Variants in ASTN2 observed in about 807,000 individuals in gnomAD.
The protein encoded by ASTN2 is astrotactin 2, also known as astrotactin-2.
A neutral mutation model predicts 139.8 loss-of-function variants in ASTN2; 54 were observed. The ratio of observed to expected loss-of-function variants is 0.39; its 90% CI spans 0.31 to 0.48. ASTN2 has a LOEUF of 0.48. Among genes scored for constraint, ASTN2 ranks in the 20% least tolerant of loss-of-function variants. ASTN2 has a pLI of 0.95. For missense variants in ASTN2, 1,565 were observed against 1,725.1 expected (o/e 0.91, Z 1.64); for synonymous variants, 756 against 719.5 (o/e 1.05, Z -0.81).
chr9:117,031,692 T>C (rs1457485212), intron 6 of ASTN2, among the ~76,000 whole-genome samples: 1 of 151,802 alleles, frequency 6.6e-6, no homozygotes, highest in Non-Finnish European at 1.5e-5. Context: ...TGAGAGAAAC[T>C]AGAGATGTGG....
chr9:116,908,322 A>G, intron 10 of ASTN2, among the ~76,000 whole-genome samples: 1 of 152,188 alleles, frequency 6.6e-6, no homozygotes, highest in East Asian at 1.9e-4. Context: ...GTTTTTCTCT[A>G]AGTCAGCCTT....
intron 7 of ASTN2, among the ~76,000 whole-genome samples, chr9:117,003,874 A>G (rs1478213927): frequency 6.6e-6 from 1 of 151,226 alleles, no homozygotes; most frequent in African/African-American, 2.4e-5. Flanking sequence ...AGATGCAGAG[A>G]TATATAATCC....
At chr9:116,991,520 C>T (rs1386957841) in intron 7 of ASTN2, among the ~76,000 whole-genome samples, 5 of 150,924 alleles carry the variant, frequency 3.3e-5, no homozygotes, top group African/African-American at 1.2e-4. Context: ...TATAATGTAG[C>T]AGATACTTCG....
intron 4 of ASTN2, among the ~76,000 whole-genome samples, chr9:117,138,388 G>C (rs1830000368): frequency 6.6e-6 from 1 of 152,192 alleles, no homozygotes; most frequent in African/African-American, 2.4e-5. Flanking sequence ...CAAGTTCTCA[G>C]ATGCTAAAGA....
At chr9:116,446,138 G>GT (rs1847981008) in intron 20 of ASTN2, among the ~76,000 whole-genome samples, 1 of 151,732 alleles carries the variant, frequency 6.6e-6, no homozygotes, top group South Asian at 2.1e-4. Context: ...AAGTTGGGGG[G>GT]GGACAGAGAC....
intron 19 of ASTN2, among the ~76,000 whole-genome samples, chr9:116,593,556 T>C (rs1285586319): frequency 5.3e-5 from 8 of 152,248 alleles, no homozygotes; most frequent in Admixed American, 5.2e-4. Flanking sequence ...GCCTACTCTA[T>C]ACTACAACCA....
At chr9:117,367,932 A>T (rs1320983330) in intron 1 of ASTN2, among the ~76,000 whole-genome samples, 2 of 152,054 alleles carry the variant, frequency 1.3e-5, no homozygotes, top group African/African-American at 4.8e-5. Flanking sequence ...AGTTCTGTAC[A>T]ATATTTCACT....
chr9:116,997,838 T>C (rs1386285897), intron 7 of ASTN2, among the ~76,000 whole-genome samples: 1 of 152,216 alleles, frequency 6.6e-6, no homozygotes, highest in Non-Finnish European at 1.5e-5. Flanking sequence ...ATGTTGTTAT[T>C]GTCACTTCAA....
intron 5 of ASTN2, among the ~76,000 whole-genome samples, chr9:117,044,046 A>G (rs1234143486): frequency 6.6e-6 from 1 of 152,162 alleles, no homozygotes; most frequent in Admixed American, 6.5e-5. Flanking sequence ...GGGGTGTTGT[A>G]AGAACAAAAT....
chr9:117,010,199 A>C (rs903770590), intron 6 of ASTN2, among the ~76,000 whole-genome samples: 1 of 152,106 alleles, frequency 6.6e-6, no homozygotes, highest in African/African-American at 2.4e-5. Flanking sequence ...GTTGGATTCC[A>C]TATTTCAAAT....
chr9:116,814,824 T>C (rs533528010), intron 12 of ASTN2, among the ~76,000 whole-genome samples: 26 of 152,334 alleles, frequency 1.7e-4, no homozygotes, highest in Non-Finnish European at 2.4e-4. Flanking sequence ...ATGGAACTAA[T>C]GTTCCATACA....
intron 6 of ASTN2, among the ~76,000 whole-genome samples, chr9:117,030,059 C>T (rs1588494828): frequency 6.6e-6 from 1 of 151,848 alleles, no homozygotes; most frequent in Admixed American, 6.6e-5. Flanking sequence ...ATTAATATAC[C>T]CAAGGTCACA....
rs150531695 is a variant in ASTN2 at position 116,604,434 on chromosome 9, T to A, written c.3355+13890A>T. ...TCATGTGGGTTTATACCTCACCCTG[T>A]AAAACATATTCCCCTCACCCCCACC... On this transcript the variant is annotated intron_variant, in intron 19 of 22. Transcript: ENST00000313400. Among the ~76,000 whole-genome samples, 997 of 152,202 alleles carry A rather than the reference T, an allele frequency of 6.6e-3. 11 individuals are homozygous for A. The highest frequency in any genetic ancestry group is 0.02 in the African/African-American group (825 of 41,530).
rs1995730 is a variant in ASTN2, at chr9:116,490,093, C to A, written c.3356-2593G>T. Among the ~76,000 whole-genome samples, 575 of 151,806 alleles carry A rather than the reference C, an allele frequency of 3.8e-3. 3 individuals are homozygous for A. The highest frequency in any genetic ancestry group is 8.6e-3 in the South Asian group (41 of 4,784). On this transcript the variant is annotated intron_variant, in intron 19 of 22. Transcript: ENST00000313400. The stretch of plus-strand genomic sequence containing the variant: ...TAGAAAGAAACAAAGATGCCTAGAA[C>A]CAGAGGTTTGTCTGGAAAATGAAGA...
intron 1 of ASTN2, among the ~76,000 whole-genome samples, chr9:117,353,777 T>G (rs1217842318): frequency 6.6e-6 from 1 of 152,094 alleles, no homozygotes; most frequent in African/African-American, 2.4e-5. Context: ...AAATGCATAT[T>G]ACTAAGTGAA....
intron 10 of ASTN2, among the ~76,000 whole-genome samples, chr9:116,954,331 G>T (rs1236849228): frequency 6.6e-6 from 1 of 152,164 alleles, no homozygotes; most frequent in African/African-American, 2.4e-5. Flanking sequence ...TATTGAATGT[G>T]CAACTAAATC....
chr9:117,181,035 A>G, intron 3 of ASTN2: 5 of 1,549,346 alleles, frequency 3.2e-6, no homozygotes, highest in Non-Finnish European at 3.5e-6. Context: ...GGGGTAGCGC[A>G]AGGTCAGAAA....
intron 22 of ASTN2, among the ~76,000 whole-genome samples, chr9:116,434,121 G>T (rs1847577043): frequency 6.6e-6 from 1 of 151,704 alleles, no homozygotes. Flanking sequence ...GTTAATTGAA[G>T]GTATAATTGA....
intron 1 of ASTN2, among the ~76,000 whole-genome samples, chr9:117,299,032 ATG>A (rs1318531693): frequency 6.6e-6 from 1 of 152,078 alleles, no homozygotes; most frequent in Non-Finnish European, 1.5e-5. Context: ...AAAGAAAGAA[ATG>A]TTAATTTTCA....
Sources: gnomAD v4.1 joint callset for allele counts (sites outside exome capture counted in the v4.1 genomes callset) on GRCh38, gnomAD v4.1.1 for gene constraint, MANE v1.5 for transcripts, NCBI Gene and HGNC (gene_info 2026-07-23, HGNC 2026-07-21) for gene names.